The following ADGRB3 variants were observed in gnomAD, a reference collection of about 807,000 sequenced individuals.
ADGRB3 encodes brain-specific angiogenesis inhibitor 3.
A neutral mutation model predicts 193.4 loss-of-function variants in ADGRB3; 37 were observed. That is an observed-to-expected ratio of 0.19 (90% CI 0.15 to 0.25). The LOEUF is 0.25. ADGRB3 is among the 10% of genes least tolerant of loss of function. The pLI, the probability that ADGRB3 is intolerant of heterozygous loss-of-function variation, is 1.00. For missense variants in ADGRB3, 1,637 were observed against 1,852.9 expected (o/e 0.88, Z 2.14); for synonymous variants, 690 against 644.2 (o/e 1.07, Z -1.08).
chr6:69,215,691 TA>T (rs546586970), intron 17 of ADGRB3, among the ~76,000 whole-genome samples: 365 of 149,694 alleles, frequency 2.4e-3, no homozygotes, highest in African/African-American at 8.2e-3. Flanking sequence ...GGGGACAGGT[TA>T]AAAAAAAAAT....
intron 17 of ADGRB3, among the ~76,000 whole-genome samples, chr6:69,125,059 C>T (rs1203101221): frequency 6.6e-6 from 1 of 152,160 alleles, no homozygotes; most frequent in African/African-American, 2.4e-5. Context: ...GCAGGGTCTA[C>T]ATCACCAGGC....
At chr6:69,064,210 T>C (rs2150308499) in intron 16 of ADGRB3, among the ~76,000 whole-genome samples, 1 of 152,154 alleles carries the variant, frequency 6.6e-6, no homozygotes, top group East Asian at 1.9e-4. Context: ...GCTTCCTGGA[T>C]TATTTAATAA....
chr6:69,241,235 G>A (rs986544504), intron 20 of ADGRB3, among the ~76,000 whole-genome samples: 13 of 151,704 alleles, frequency 8.6e-5, no homozygotes, highest in African/African-American at 3.1e-4. Flanking sequence ...AGCCACATAT[G>A]TAATTTAAAT....
In ADGRB3 at chr6:68,847,552, T is replaced by C. The variant is rs571590343; in HGVS notation, c.758-83007T>C. 2.0e-4 allele frequency among the ~76,000 whole-genome samples: 30 copies of C among 152,284 alleles called. No homozygotes were observed. In the South Asian group the frequency reaches 5.4e-3, roughly 27 times the overall value. ...TAAGTCTCACAAGATCTAATGGGTT[T>C]ATCAGGGGTTTCCACTTTTGCTTCT... On this transcript the variant is annotated intron_variant, in intron 3 of 31. Transcript: ENST00000370598.
intron 3 of ADGRB3, among the ~76,000 whole-genome samples, chr6:68,703,953 G>A (rs1765285234): frequency 6.6e-6 from 1 of 152,102 alleles, no homozygotes. Flanking sequence ...ATTGATAGAT[G>A]TTTCTGCAAA....
chr6:68,687,197 T>C (rs550531381), intron 3 of ADGRB3, among the ~76,000 whole-genome samples: 4 of 152,178 alleles, frequency 2.6e-5, no homozygotes, highest in African/African-American at 9.6e-5. Flanking sequence ...AGTTCCTAAA[T>C]ATCAGGTTTG....
intron 17 of ADGRB3, among the ~76,000 whole-genome samples, chr6:69,079,863 G>C (rs999754113): frequency 2.0e-5 from 3 of 152,016 alleles, no homozygotes; most frequent in Non-Finnish European, 4.4e-5. Context: ...TTTTCAGAAA[G>C]TGTTTCGTTA....
At chr6:68,936,447 C>A (rs1767487901) in intron 4 of ADGRB3, 72 bp from the exon 5 acceptor site, 1 of 1,395,264 alleles carries the variant, frequency 7.2e-7, no homozygotes, top group Non-Finnish European at 9.8e-7. Context: ...GTCATAATGT[C>A]AGTTTGGTAT....
intron 3 of ADGRB3, among the ~76,000 whole-genome samples, chr6:68,869,238 T>A (rs1562064262): frequency 6.6e-6 from 1 of 152,166 alleles, no homozygotes; most frequent in Non-Finnish European, 1.5e-5. Context: ...ACTCCCAAGT[T>A]TTTAATCCCT....
chr6:69,256,294 C>A (rs1232686928), intron 20 of ADGRB3, among the ~76,000 whole-genome samples: 576 of 151,810 alleles, frequency 3.8e-3, no homozygotes, highest in African/African-American at 0.01. Flanking sequence ...TACCTTGGGC[C>A]GTATGGCCAT....
At chr6:69,148,119 C>T (rs1774558012) in intron 17 of ADGRB3, among the ~76,000 whole-genome samples, 1 of 152,060 alleles carries the variant, frequency 6.6e-6, no homozygotes. Flanking sequence ...AGAGTTTAGT[C>T]TATTTACGTT....
intron 20 of ADGRB3, among the ~76,000 whole-genome samples, chr6:69,252,627 T>A (rs544505544): frequency 1.3e-5 from 2 of 152,236 alleles, no homozygotes; most frequent in African/African-American, 4.8e-5. Context: ...TTTCATGTCC[T>A]TATAGGCCAT....
intron 13 of ADGRB3, among the ~76,000 whole-genome samples, chr6:69,032,575 T>C (rs1270444917): frequency 6.6e-6 from 1 of 152,216 alleles, no homozygotes; most frequent in East Asian, 1.9e-4. Flanking sequence ...CTTTAACAAA[T>C]TTTCATTCTT....
chr6:69,112,875 T>A (rs1447737222), intron 17 of ADGRB3, among the ~76,000 whole-genome samples: 4 of 152,034 alleles, frequency 2.6e-5, no homozygotes, highest in Admixed American at 2.6e-4. Context: ...CTCCTGCCTC[T>A]GCCTCCTGAG....
intron 8 of ADGRB3, among the ~76,000 whole-genome samples, chr6:68,957,936 C>A (rs561692018): frequency 1.3e-5 from 2 of 152,102 alleles, no homozygotes; most frequent in Non-Finnish European, 2.9e-5. Flanking sequence ...CATGTTGGCT[C>A]ATACCTGTAA....
At chr6:69,366,288 G>A (rs1769566522) in intron 29 of ADGRB3, among the ~76,000 whole-genome samples, 1 of 151,948 alleles carries the variant, frequency 6.6e-6, no homozygotes, top group Admixed American at 6.6e-5. Context: ...ATTATTCTCA[G>A]GTATCATTTC....
chr6:68,956,687 C>G lies in ADGRB3; in HGVS notation c.1403C>G (p.Ser468Cys). The change falls in exon 8 of 32, where the codon TCC becomes TGC. Residue 468 changes from serine to cysteine, a missense_variant. Around this residue, in one of 7 missense-constraint regions of ADGRB3, gnomAD observed 641 missense variants for 673.9 expected, o/e 0.95. Coordinates refer to ENST00000370598, the MANE Select transcript of ADGRB3 (RefSeq NM_001704.3). Reference protein sequence around the residue: ...WNQWGHWSGCSKSCDGGWERR... With the variant: ...WNQWGHWSGCCKSCDGGWERR... The stretch of plus-strand genomic sequence containing the variant: ...CAGTGGGGTCATTGGAGTGGTTGTT[C>G]CAAGTCCTGTGATGGCGGCTGGGAA... 1 of 1,613,862 alleles carries G rather than the reference C, an allele frequency of 6.2e-7. No homozygotes were observed.
chr6:68,781,972 T>A (rs891486959), intron 3 of ADGRB3, among the ~76,000 whole-genome samples: 10 of 152,112 alleles, frequency 6.6e-5, no homozygotes, highest in African/African-American at 9.7e-5. Flanking sequence ...CTCTTTTTTT[T>A]ATTTTATTTT....
chr6:69,368,055 T>C (rs1269520323), intron 29 of ADGRB3, among the ~76,000 whole-genome samples: 1 of 149,520 alleles, frequency 6.7e-6, no homozygotes. Context: ...AGATGACGAG[T>C]TAATGGGTGC....
Sources: gnomAD v4.1 joint callset for allele counts (sites outside exome capture counted in the v4.1 genomes callset) on GRCh38, gnomAD v4.1.1 for gene constraint, gnomAD v4.1.1 regional missense constraint, MANE v1.5 for transcripts, NCBI Gene and HGNC (gene_info 2026-07-23, HGNC 2026-07-21) for gene names.